The following PRKN variants were observed in gnomAD, a reference collection of about 807,000 sequenced individuals.
PRKN encodes parkin RBR E3 ubiquitin protein ligase.
A neutral mutation model predicts 59.5 loss-of-function variants in PRKN; 56 were observed. That is an observed-to-expected ratio of 0.94 (90% confidence interval 0.76 to 1.18). The LOEUF (loss-of-function observed/expected upper bound fraction) is 1.18. PRKN is among the 50% of genes most tolerant of loss of function. The pLI is 0.00. For synonymous variants in PRKN, 250 were observed against 222.1 expected, an observed-to-expected ratio of 1.13 and a Z score of -1.12; for missense variants, 657 against 596.4, an observed-to-expected ratio of 1.10 and a Z score of -1.06.
At chr6:162,205,152 C>T (rs879474530) in intron 3 of PRKN, among the ~76,000 whole-genome samples, 6 of 152,132 alleles carry the variant, frequency 3.9e-5, no homozygotes, top group Admixed American at 1.3e-4. Flanking sequence ...TGAGCCACCA[C>T]GCCCGGCCAA....
rs143268768 is a variant in PRKN at position 162,393,505 on chromosome 6, A to G, written c.171+49805T>C. ...GGACAGAGAAGACATTCTAGGCTTC[A>G]TATTGAAATTGTAAATGTGAACCCA... On this transcript the variant is annotated intron_variant, in intron 2 of 11. Transcript: ENST00000366898. Among the ~76,000 whole-genome samples the G allele has an allele frequency of 1.6e-3, 246 of 152,236 alleles. 1 individual carries two copies. Among genetic ancestry groups the G allele is most frequent in the East Asian group, 0.015 (76 of 5,164 alleles).
chr6:161,857,348 G>A (rs1793698415), intron 6 of PRKN, among the ~76,000 whole-genome samples: 1 of 152,140 alleles, frequency 6.6e-6, no homozygotes, highest in African/African-American at 2.4e-5. Context: ...CATATGAGTA[G>A]GGTTGCATTT....
At chr6:161,639,452 T>A (rs958923902) in intron 7 of PRKN, among the ~76,000 whole-genome samples, 1 of 152,178 alleles carries the variant, frequency 6.6e-6, no homozygotes, top group African/African-American at 2.4e-5. Context: ...TGGCCTCGCC[T>A]GTACTCCTCA....
intron 2 of PRKN, among the ~76,000 whole-genome samples, chr6:162,358,555 CTTATCT>C (rs1371764959): frequency 2.0e-5 from 3 of 151,956 alleles, no homozygotes; most frequent in Non-Finnish European, 4.4e-5. Flanking sequence ...TTTTTGGTTT[CTTATCT>C]TTAAGACAAT....
chr6:161,556,418 A>G (rs1422869957), intron 8 of PRKN, among the ~76,000 whole-genome samples: 1 of 152,216 alleles, frequency 6.6e-6, no homozygotes, highest in African/African-American at 2.4e-5. Flanking sequence ...TATTTGTAGA[A>G]AGCTTAATAT....
At chr6:162,686,966 T>G (rs1777583556) in intron 1 of PRKN, among the ~76,000 whole-genome samples, 1 of 152,102 alleles carries the variant, frequency 6.6e-6, no homozygotes. Flanking sequence ...TGCAGCTTTG[T>G]TTTTGGTTGT....
chr6:162,658,449 G>T (rs1394017124), intron 1 of PRKN, among the ~76,000 whole-genome samples: 1 of 152,108 alleles, frequency 6.6e-6, no homozygotes, highest in East Asian at 1.9e-4. Flanking sequence ...ATCACCTGAG[G>T]TAAGGAGTTC....
At position 161,487,069 on chromosome 6, in the gene PRKN, C is replaced by T. The variant is rs899197585; in HGVS notation, c.1083+61785G>A. On this transcript the variant is annotated intron_variant, in intron 9 of 11. Coordinates refer to ENST00000366898, the MANE Select transcript of PRKN (RefSeq NM_004562.3). This position sits in a 1 kb window ranked among gnomAD's most constrained non-coding sequence, Gnocchi z 5.3. ...AGTGAATAGGTGCCACGGAGTGAGA[C>T]GGGGAAAGATGGGTGTCCTGGTTGA... 2.0e-5 allele frequency among the ~76,000 whole-genome samples: 3 copies of T among 152,002 alleles called. No homozygotes were observed. Among genetic ancestry groups the T allele is most frequent in the African/African-American group, 4.8e-5 (2 of 41,384 alleles).
intron 5 of PRKN, among the ~76,000 whole-genome samples, chr6:161,990,538 TA>T (rs1164131693): frequency 6.6e-6 from 1 of 151,904 alleles, no homozygotes; most frequent in African/African-American, 2.4e-5. Context: ...AATGAGAAAC[TA>T]AACAAAGAGA....
In PRKN at chr6:162,468,236, C is replaced by T. The variant is rs956595070; in HGVS notation, c.8-24763G>A. Among the ~76,000 whole-genome samples the T allele has an allele frequency of 2.6e-5, 4 of 152,324 alleles. No individual in the cohort carries two copies. In the South Asian group the frequency reaches 8.3e-4, roughly 32 times the overall value. On this transcript the variant is annotated intron_variant, in intron 1 of 11. Transcript: ENST00000366898. ...TCTCCCTCACTTGGGTGGCATCCCT[C>T]GTCTCACTAATTAGAATGCCTGGCA...
intron 6 of PRKN, among the ~76,000 whole-genome samples, chr6:161,910,180 T>C (rs936444477): frequency 2.0e-5 from 3 of 152,176 alleles, no homozygotes; most frequent in African/African-American, 7.2e-5. Context: ...ACAAAGAAAG[T>C]TGTTTCTTGA....
intron 6 of PRKN, among the ~76,000 whole-genome samples, chr6:161,820,077 T>C (rs1791956988): frequency 6.6e-6 from 1 of 152,122 alleles, no homozygotes; most frequent in Admixed American, 6.5e-5. Flanking sequence ...TAAACGTACC[T>C]ATCCCAGTAA....
At chr6:162,175,353 A>G (rs9458470) in intron 4 of PRKN, among the ~76,000 whole-genome samples, 82,429 of 152,088 alleles carry the variant, frequency 0.54, 24,714 homozygotes, top group Non-Finnish European at 0.69. Flanking sequence ...ATTGCCTTTT[A>G]TATCTATTAT....
intron 1 of PRKN, among the ~76,000 whole-genome samples, chr6:162,556,724 T>C (rs2128205326): frequency 8.2e-6 from 1 of 121,668 alleles, no homozygotes; most frequent in African/African-American, 3.2e-5. Context: ...TCCAACCAGG[T>C]GACAGAGCGA....
intron 4 of PRKN, among the ~76,000 whole-genome samples, chr6:162,196,362 G>T (rs1441203686): frequency 6.6e-6 from 1 of 152,118 alleles, no homozygotes; most frequent in South Asian, 2.1e-4. Flanking sequence ...ACAATGACAT[G>T]AGTTATTTTA....
chr6:161,965,869 A>C (rs548445789), intron 6 of PRKN, among the ~76,000 whole-genome samples: 1 of 152,148 alleles, frequency 6.6e-6, no homozygotes, highest in Non-Finnish European at 1.5e-5. Flanking sequence ...GGTTCTTCTG[A>C]GGTCTTATAA....
chr6:161,553,034 C>T (rs1780100350), intron 8 of PRKN, among the ~76,000 whole-genome samples: 1 of 151,122 alleles, frequency 6.6e-6, no homozygotes, highest in Non-Finnish European at 1.5e-5. Flanking sequence ...CGTGATCTGC[C>T]TGCCTCAGCC....
intron 6 of PRKN, among the ~76,000 whole-genome samples, chr6:161,956,214 T>G (rs1194764453): frequency 6.6e-6 from 1 of 152,226 alleles, no homozygotes; most frequent in Non-Finnish European, 1.5e-5. Context: ...AACTGGGTTT[T>G]GAACACAACA....
chr6:162,316,096 A>G (rs1562664693), intron 2 of PRKN, among the ~76,000 whole-genome samples: 1 of 152,050 alleles, frequency 6.6e-6, no homozygotes, highest in African/African-American at 2.4e-5. Context: ...GAAGTATTCC[A>G]AGGCTGGACA....
Sources: allele counts gnomAD v4.1 joint callset (sites outside exome capture counted in the v4.1 genomes callset), GRCh38; gene constraint gnomAD v4.1.1; non-coding constraint Gnocchi (gnomAD v3.1); transcripts MANE v1.5; gene names NCBI Gene and HGNC (gene_info 2026-07-23, HGNC 2026-07-21).